The following RAB3C variants were observed in gnomAD, a reference collection of about 807,000 sequenced individuals.
The protein encoded by RAB3C is RAB3C, member RAS oncogene family, also known as ras-related protein Rab-3C.
In RAB3C, 17 loss-of-function variants were observed where a neutral mutation model predicts 26.4. That is an observed-to-expected ratio of 0.64 (90% confidence interval 0.44 to 0.97). The LOEUF is 0.97. Ranked by LOEUF, RAB3C falls within the 50% of genes least tolerant of loss-of-function variation. RAB3C has a pLI of 0.00. For synonymous variants in RAB3C, 91 were observed against 95.9 expected, an observed-to-expected ratio of 0.95 and a Z score of 0.30; for missense variants, 242 against 281.9, an observed-to-expected ratio of 0.86 and a Z score of 1.01.
chr5:58,841,078 C>A (rs762288544), intron 4 of RAB3C, among the ~76,000 whole-genome samples: 1 of 152,142 alleles, frequency 6.6e-6, no homozygotes, highest in Non-Finnish European at 1.5e-5. Flanking sequence ...AGTACAGGAC[C>A]ATTGGGTAGG....
intron 1 of RAB3C, among the ~76,000 whole-genome samples, chr5:58,589,608 A>G (rs1341924258): frequency 6.6e-6 from 1 of 152,156 alleles, no homozygotes; most frequent in African/African-American, 2.4e-5. Context: ...TAATATCTCT[A>G]TTATCTATCT....
At chr5:58,683,044 G>A (rs966627775) in intron 2 of RAB3C, among the ~76,000 whole-genome samples, 1 of 152,004 alleles carries the variant, frequency 6.6e-6, no homozygotes, top group Non-Finnish European at 1.5e-5. Flanking sequence ...TATCTTTTTT[G>A]TACCTTCAGC....
intron 2 of RAB3C, among the ~76,000 whole-genome samples, chr5:58,670,850 C>T (rs977859451): frequency 3.3e-5 from 5 of 152,106 alleles, no homozygotes; most frequent in African/African-American, 1.2e-4. Context: ...CTCAGACTTG[C>T]CCTTATTTAT....
chr5:58,668,645 A>G (rs767617985), intron 2 of RAB3C, among the ~76,000 whole-genome samples: 4 of 152,186 alleles, frequency 2.6e-5, no homozygotes, highest in Non-Finnish European at 5.9e-5. Flanking sequence ...AAGACCTCAT[A>G]GTATCTAGTT....
intron 2 of RAB3C, among the ~76,000 whole-genome samples, chr5:58,690,890 G>T (rs189208019): frequency 1.5e-3 from 230 of 152,224 alleles, no homozygotes; most frequent in Admixed American, 3.1e-3. Context: ...AATAAGATTT[G>T]TAATAACTAA....
At chr5:58,740,191 C>T (rs1038709674) in intron 3 of RAB3C, among the ~76,000 whole-genome samples, 4 of 152,190 alleles carry the variant, frequency 2.6e-5, no homozygotes, top group African/African-American at 9.7e-5. Context: ...AGTTCAGGAG[C>T]CCAGAGTCAG....
chr5:58,727,124 T>A (rs1210029691), intron 3 of RAB3C, among the ~76,000 whole-genome samples: 2 of 38,570 alleles, frequency 5.2e-5, no homozygotes, highest in Non-Finnish European at 1.8e-4. Context: ...GACAGCATTC[T>A]TTTTTTGTTT....
Position 58,854,943 on chromosome 5 carries a change from A to G in RAB3C, c.*3592A>G, listed in dbSNP as rs1744226914. On this transcript the variant is annotated 3_prime_UTR_variant, in exon 5 of 5. Coordinates refer to ENST00000282878, the MANE Select transcript of RAB3C (RefSeq NM_138453.4). ...TTTAAGGAACCAATTTAAACTTTCA[A>G]TTTTAAATACATCTATGCTGACGAT... The G allele has an allele frequency of 6.6e-6, 1 of 152,132 alleles. No individual in the cohort carries two copies. The highest frequency in any genetic ancestry group is 1.5e-5 in the Non-Finnish European group (1 of 68,028). The allele number at this position is 152,132 out of a possible 1,614,324, so 9.4% of individuals were successfully genotyped here.
At chr5:58,761,099 AT>A (rs1211031498) in intron 3 of RAB3C, among the ~76,000 whole-genome samples, 1 of 137,674 alleles carries the variant, frequency 7.3e-6, no homozygotes, top group African/African-American at 2.6e-5. Flanking sequence ...AGCACAAACC[AT>A]TTAGAAGACC....
At chr5:58,677,728 G>A (rs551037254) in intron 2 of RAB3C, among the ~76,000 whole-genome samples, 16 of 152,064 alleles carry the variant, frequency 1.1e-4, no homozygotes, top group Non-Finnish European at 1.8e-4. Flanking sequence ...AACTGATAGC[G>A]GCTATCTAGA....
intron 2 of RAB3C, among the ~76,000 whole-genome samples, chr5:58,690,777 A>G (rs1312302287): frequency 2.0e-5 from 3 of 152,204 alleles, no homozygotes; most frequent in Non-Finnish European, 2.9e-5. Flanking sequence ...AAAGCAGACT[A>G]TAGAAAGGCA....
chr5:58,709,511 T>C (rs1579871628), intron 2 of RAB3C, among the ~76,000 whole-genome samples: 1 of 152,192 alleles, frequency 6.6e-6, no homozygotes, highest in Non-Finnish European at 1.5e-5. Context: ...TCCAGTTCTG[T>C]TTTGAATGAA....
chr5:58,734,545 T>C lies in RAB3C; in HGVS notation c.371+8425T>C, dbSNP rs1312193238. Among the ~76,000 whole-genome samples, 5 of 152,270 alleles carry C rather than the reference T, an allele frequency of 3.3e-5. No homozygotes were observed. The South Asian group carries it at 1.0e-3, about 32-fold the overall frequency. ...GCTGGTCGGACCCAACCATAGAACA[T>C]TATTTTTGTGCAGATAACCCAACTT... On this transcript the variant is annotated intron_variant, in intron 3 of 4. Transcript: ENST00000282878.
rs1024600440 is a variant in RAB3C, at chr5:58,653,101, T to C, written c.252+35231T>C. ...CCCGTCATCTACTAATGTAGATGTT[T>C]CTCCTAATGCTATCCCTCCCCTTGC... On this transcript the variant is annotated intron_variant, in intron 2 of 4. Transcript: ENST00000282878. Among the ~76,000 whole-genome samples, 3 of 152,124 alleles carry C rather than the reference T, an allele frequency of 2.0e-5. 1 individual carries two copies. In the South Asian group the frequency reaches 6.2e-4, roughly 32 times the overall value.
chr5:58,703,457 C>T (rs1456565974), intron 2 of RAB3C, among the ~76,000 whole-genome samples: 5 of 152,182 alleles, frequency 3.3e-5, no homozygotes, highest in Non-Finnish European at 7.3e-5. Flanking sequence ...GCTGGAATTA[C>T]AGGCATGAGC....
intron 2 of RAB3C, among the ~76,000 whole-genome samples, chr5:58,666,445 A>G (rs1252703561): frequency 1.3e-5 from 2 of 152,200 alleles, no homozygotes; most frequent in African/African-American, 2.4e-5. Context: ...GGGGACAAGG[A>G]CAGTCTTTCT....
chr5:58,611,774 G>A (rs1462033380), intron 1 of RAB3C, among the ~76,000 whole-genome samples: 5 of 152,054 alleles, frequency 3.3e-5, no homozygotes, highest in African/African-American at 1.2e-4. Context: ...TGTTGCAGTT[G>A]GTTTTGGCAT....
At chr5:58,701,293 G>A (rs551994631) in intron 2 of RAB3C, among the ~76,000 whole-genome samples, 78 of 152,172 alleles carry the variant, frequency 5.1e-4, no homozygotes, top group Admixed American at 1.2e-3. Flanking sequence ...GAGCTACTGC[G>A]CCCGGCCTAG....
intron 4 of RAB3C, among the ~76,000 whole-genome samples, chr5:58,847,556 G>A (rs1405750633): frequency 1.3e-5 from 2 of 152,198 alleles, no homozygotes; most frequent in African/African-American, 2.4e-5. Flanking sequence ...AACAAAGGCT[G>A]TAGTGGTTGC....
Sources: gnomAD v4.1 joint callset for allele counts (sites outside exome capture counted in the v4.1 genomes callset) on GRCh38, gnomAD v4.1.1 for gene constraint, MANE v1.5 for transcripts, NCBI Gene and HGNC (gene_info 2026-07-23, HGNC 2026-07-21) for gene names.